The following PRKCA variants were observed in gnomAD, a reference collection of about 807,000 sequenced individuals.
The protein encoded by PRKCA is protein kinase C alpha type.
Under a neutral mutation model 87.0 loss-of-function variants are expected in PRKCA, and 27 were observed. That is an observed-to-expected ratio of 0.31 (90% CI 0.23 to 0.43). The LOEUF (loss-of-function observed/expected upper bound fraction) is 0.43, where lower values mean the gene tolerates loss of function less well. Among genes scored for constraint, PRKCA ranks in the 20% least tolerant of loss-of-function variants. PRKCA has a pLI of 1.00. For synonymous variants in PRKCA, 329 were observed against 311.1 expected (o/e 1.06, Z -0.61); for missense variants, 518 against 852.3 (o/e 0.61, Z 4.88).
At chr17:66,325,710 C>T (rs35687884) in intron 2 of PRKCA, among the ~76,000 whole-genome samples, 57,448 of 151,846 alleles carry the variant, frequency 0.38, 10,944 homozygotes, top group Middle Eastern at 0.54. Flanking sequence ...CCCTAAGGGG[C>T]GGGTGGTTGT....
At chr17:66,652,532 A>G (rs140313975) in intron 5 of PRKCA, among the ~76,000 whole-genome samples, 29 of 152,228 alleles carry the variant, frequency 1.9e-4, no homozygotes, top group African/African-American at 6.7e-4. Flanking sequence ...TGGTTCAACA[A>G]AAGCAAAAAA....
chr17:66,449,416 A>G (rs1194250822), intron 2 of PRKCA, among the ~76,000 whole-genome samples: 1 of 152,154 alleles, frequency 6.6e-6, no homozygotes, highest in Non-Finnish European at 1.5e-5. Context: ...AAGTGTGTAT[A>G]TTACTTTCAG....
intron 2 of PRKCA, among the ~76,000 whole-genome samples, chr17:66,456,586 C>T (rs922907105): frequency 6.6e-5 from 10 of 152,306 alleles, no homozygotes; most frequent in African/African-American, 2.4e-4. Context: ...TTAAAATTGT[C>T]ATCCCCTGTG....
intron 2 of PRKCA, among the ~76,000 whole-genome samples, chr17:66,445,541 C>T (rs1009313729): frequency 2.0e-5 from 3 of 152,222 alleles, no homozygotes; most frequent in East Asian, 1.9e-4. Flanking sequence ...AAGTCTGACT[C>T]CTCAGAGGAC....
chr17:66,703,814 A>G (rs950213747), intron 8 of PRKCA: 1 of 152,158 alleles, frequency 6.6e-6, no homozygotes, highest in African/African-American at 2.4e-5. Flanking sequence ...AAAAATAGAA[A>G]AAATATACTC....
intron 10 of PRKCA, among the ~76,000 whole-genome samples, chr17:66,737,430 T>C (rs1302878224): frequency 6.6e-6 from 1 of 152,228 alleles, no homozygotes; most frequent in Non-Finnish European, 1.5e-5. Flanking sequence ...AGCTGGTCTT[T>C]CCACTCCTCA....
rs1429183990 is a variant in PRKCA at position 66,525,084 on chromosome 17, A to T, written c.288+28801A>T. 3.3e-5 allele frequency among the ~76,000 whole-genome samples: 5 copies of T among 152,072 alleles called. No homozygotes were observed. The East Asian group carries it at 7.7e-4, about 24-fold the overall frequency. On this transcript the variant is annotated intron_variant, in intron 3 of 16. Transcript: ENST00000413366. The stretch of plus-strand genomic sequence containing the variant: ...AATGCAGTGCAGTTGACATCATGGG[A>T]GTTCTGAGCTGAGGTATTAAGAGAC...
rs150775300 is a variant in PRKCA, at chr17:66,807,464, G to A, written c.*3427G>A. ...CCAGGGGCCGCCCTCCAAGGTTAAT[G>A]AGAGGCCCACATCCAGGCAAGAACT... On this transcript the variant is annotated 3_prime_UTR_variant, in exon 17 of 17. Transcript: ENST00000413366. The surrounding 1 kb of genome is among the most constrained non-coding windows in gnomAD (Gnocchi z 4.3). 1 of 152,358 alleles carries A rather than the reference G, an allele frequency of 6.6e-6. No individual in the cohort carries two copies. The highest frequency in any genetic ancestry group is 1.5e-5 in the Non-Finnish European group (1 of 68,046). 9.4% of individuals were successfully genotyped at this position (152,358 alleles called of 1,614,324 possible).
intron 2 of PRKCA, among the ~76,000 whole-genome samples, chr17:66,436,623 C>T (rs535552116): frequency 6.6e-6 from 1 of 152,158 alleles, no homozygotes; most frequent in East Asian, 1.9e-4. Flanking sequence ...GAGAGGTGGA[C>T]GATGAAAGTC....
intron 8 of PRKCA, among the ~76,000 whole-genome samples, chr17:66,695,587 G>A (rs1256188540): frequency 2.0e-5 from 3 of 151,928 alleles, no homozygotes; most frequent in Non-Finnish European, 4.4e-5. Flanking sequence ...TTATTATTTC[G>A]TTCATCATTT....
intron 5 of PRKCA, 52 bp downstream of exon 5, chr17:66,645,563 G>A (rs1265173530): frequency 1.2e-6 from 2 of 1,608,304 alleles, no homozygotes; most frequent in South Asian, 1.1e-5. Flanking sequence ...TTGGATGAAG[G>A]TTACACTGAT....
chr17:66,433,093 A>C (rs1438957954), intron 2 of PRKCA, among the ~76,000 whole-genome samples: 1 of 152,180 alleles, frequency 6.6e-6, no homozygotes, highest in Admixed American at 6.5e-5. Context: ...AGAATTAATA[A>C]TCCCTGCCTC....
chr17:66,311,927 C>G (rs529535178), intron 2 of PRKCA, among the ~76,000 whole-genome samples: 6 of 152,166 alleles, frequency 3.9e-5, no homozygotes, highest in African/African-American at 1.4e-4. Flanking sequence ...TCGTGAAAGC[C>G]GAATAAATGT....
chr17:66,422,914 C>A (rs1408968087), intron 2 of PRKCA, among the ~76,000 whole-genome samples: 1 of 151,900 alleles, frequency 6.6e-6, no homozygotes, highest in Admixed American at 6.6e-5. Flanking sequence ...AGTTCGAGAC[C>A]AGCCTGGCCA....
intron 2 of PRKCA, among the ~76,000 whole-genome samples, chr17:66,456,980 G>A (rs1375085544): frequency 1.3e-5 from 2 of 152,184 alleles, no homozygotes; most frequent in African/African-American, 4.8e-5. Context: ...TGAATGTCAT[G>A]AATGTCTGAG....
At position 66,804,144 on chromosome 17, in the gene PRKCA, A is replaced by C. The variant is rs964648947; in HGVS notation, c.*107A>C. 1.4e-6 allele frequency: 2 copies of C among 1,436,302 alleles called. No individual in the cohort carries two copies. Among genetic ancestry groups the C allele is most frequent in the South Asian group, 2.8e-5 (2 of 71,094 alleles). 89.0% of individuals were successfully genotyped at this position (1,436,302 alleles called of 1,614,324 possible). A position where few individuals can be genotyped will look rare whatever the true frequency, so the allele number is the denominator to read the frequency against. On this transcript the variant is annotated 3_prime_UTR_variant, in exon 17 of 17. Coordinates refer to ENST00000413366, the MANE Select transcript of PRKCA (RefSeq NM_002737.3). Reference sequence around the variant, plus strand: ...AGGCCACGGCCTTGTGTCTGATTCCATATGGAGGCCTGAAAATTGTAGGGT... The same window carrying C: ...AGGCCACGGCCTTGTGTCTGATTCCCTATGGAGGCCTGAAAATTGTAGGGT...
intron 2 of PRKCA, among the ~76,000 whole-genome samples, chr17:66,362,430 C>G (rs1460664866): frequency 1.3e-5 from 2 of 152,224 alleles, no homozygotes; most frequent in African/African-American, 4.8e-5. Context: ...CCTCTTGGCT[C>G]TCCAGGCTGG....
chr17:66,515,933 T>G (rs1966953770), intron 3 of PRKCA, among the ~76,000 whole-genome samples: 1 of 152,232 alleles, frequency 6.6e-6, no homozygotes, highest in African/African-American at 2.4e-5. Flanking sequence ...GTTTGGTAGT[T>G]GTACTATGTC....
intron 5 of PRKCA, among the ~76,000 whole-genome samples, chr17:66,674,124 G>A (rs1972262911): frequency 6.6e-6 from 1 of 152,222 alleles, no homozygotes; most frequent in African/African-American, 2.4e-5. Flanking sequence ...TCTGTCCTGT[G>A]TTGCCCTGGG....
Sources: gnomAD v4.1 joint callset for allele counts (sites outside exome capture counted in the v4.1 genomes callset) on GRCh38, gnomAD v4.1.1 for gene constraint, Gnocchi (gnomAD v3.1) non-coding constraint, MANE v1.5 for transcripts, NCBI Gene and HGNC (gene_info 2026-07-23, HGNC 2026-07-21) for gene names.